DTX1: variants seen among roughly 807,000 people sequenced by gnomAD.
DTX1 encodes deltex E3 ubiquitin ligase 1.
DTX1 carries 26 observed loss-of-function variants against 57.8 expected under a neutral mutation model. That is an observed-to-expected ratio of 0.45 (90% CI 0.33 to 0.62). The LOEUF is 0.62. Ranked by LOEUF, DTX1 falls within the 20% of genes least tolerant of loss-of-function variation. The pLI, the probability that DTX1 is intolerant of heterozygous loss-of-function variation, is 0.02. For missense variants in DTX1, 704 were observed against 895.3 expected (o/e 0.79, Z 2.73); for synonymous variants, 398 against 394.1 (o/e 1.01, Z -0.12).
intron 2 of DTX1, among the ~76,000 whole-genome samples, chr12:113,074,178 G>A (rs942912618): frequency 6.6e-5 from 10 of 152,176 alleles, no homozygotes; most frequent in Admixed American, 1.3e-4. Flanking sequence ...GCAGTGAGCC[G>A]AGATCACGCC....
intron 3 of DTX1, among the ~76,000 whole-genome samples, chr12:113,079,443 G>C (rs2136060276): frequency 6.6e-6 from 1 of 151,574 alleles, no homozygotes; most frequent in South Asian, 2.1e-4. Context: ...CCCTGAACTA[G>C]GTGGCCCTAT....
rs1004921215 is a variant in DTX1 at position 113,097,893 on chromosome 12, A to G, written c.*954A>G. 2.0e-5 allele frequency: 3 copies of G among 152,818 alleles called. No homozygotes were observed. Among genetic ancestry groups the G allele is most frequent in the South Asian group, 2.1e-4 (1 of 4,832 alleles). 9.5% of individuals were successfully genotyped at this position (152,818 alleles called of 1,614,324 possible). On this transcript the variant is annotated 3_prime_UTR_variant, in exon 10 of 10. Transcript: ENST00000548759. ...CAACCAGGGGCCTGTTGCCCAGGCAACTCACCAGCTCCGCCTCTGCTGATT... is the reference window on the plus strand; with the variant it reads ...CAACCAGGGGCCTGTTGCCCAGGCAGCTCACCAGCTCCGCCTCTGCTGATT...
intron 2 of DTX1, among the ~76,000 whole-genome samples, chr12:113,076,456 T>C (rs1171634781): frequency 9.9e-6 from 1 of 100,698 alleles, no homozygotes; most frequent in Non-Finnish European, 1.9e-5. Flanking sequence ...ATACTCTGCC[T>C]GGAAAAAAAA....
At chr12:113,081,821 G>A (rs1474606502) in intron 3 of DTX1, among the ~76,000 whole-genome samples, 1 of 152,022 alleles carries the variant, frequency 6.6e-6, no homozygotes, top group Non-Finnish European at 1.5e-5. Context: ...GAATCCAGAA[G>A]GTTCTGGAGA....
chr12:113,074,996 C>T (rs1566016115), intron 2 of DTX1, among the ~76,000 whole-genome samples: 1 of 152,102 alleles, frequency 6.6e-6, no homozygotes, highest in East Asian at 1.9e-4. Flanking sequence ...TTAAACCTCT[C>T]CAGGGAAGGG....
chr12:113,079,728 G>A lies in DTX1; in HGVS notation c.941+1623G>A, dbSNP rs1291367820. Reference sequence around the variant, plus strand: ...TGTGTGTGTGTGTGTGTGTGTGTGTGTGTGTGTGTTAGTGGAGATGGGATT... The same window carrying A: ...TGTGTGTGTGTGTGTGTGTGTGTGTATGTGTGTGTTAGTGGAGATGGGATT... On this transcript the variant is annotated intron_variant, in intron 3 of 9. Coordinates refer to ENST00000548759, the MANE Select transcript of DTX1 (RefSeq NM_004416.3). Among the ~76,000 whole-genome samples, 3 of 150,714 alleles carry A rather than the reference G, an allele frequency of 2.0e-5. No homozygotes were observed. In the East Asian group the frequency reaches 5.9e-4, roughly 29 times the overall value.
chr12:113,079,814 C>T (rs1289779629), intron 3 of DTX1, among the ~76,000 whole-genome samples: 2 of 151,958 alleles, frequency 1.3e-5, no homozygotes, highest in Non-Finnish European at 2.9e-5. Context: ...CAGCCTTGGC[C>T]TCCCAAAGTG....
chr12:113,096,048 A>C (rs930060702), intron 9 of DTX1, among the ~76,000 whole-genome samples: 1 of 152,118 alleles, frequency 6.6e-6, no homozygotes, highest in Non-Finnish European at 1.5e-5. Flanking sequence ...TCTACTAAAA[A>C]TACAAAAATT....
intron 2 of DTX1, among the ~76,000 whole-genome samples, chr12:113,066,481 T>C (rs1344891861): frequency 6.6e-6 from 1 of 151,552 alleles, no homozygotes. Flanking sequence ...TGAGCTGAGA[T>C]TGAGCCATTG....
intron 3 of DTX1, among the ~76,000 whole-genome samples, chr12:113,083,052 C>T (rs73205291): frequency 0.16 from 24,611 of 152,192 alleles, 2,625 homozygotes; most frequent in Middle Eastern, 0.32. Flanking sequence ...GGCCTCTCTC[C>T]TGGGCTTGTA....
At chr12:113,076,865 T>G (rs2044775760) in intron 2 of DTX1, among the ~76,000 whole-genome samples, 2 of 152,178 alleles carry the variant, frequency 1.3e-5, no homozygotes, top group Admixed American at 6.5e-5. Context: ...GAGGACTGCA[T>G]GGGGCCTATG....
intron 2 of DTX1, among the ~76,000 whole-genome samples, chr12:113,068,276 C>G (rs1035055553): frequency 6.6e-6 from 1 of 152,314 alleles, no homozygotes; most frequent in African/African-American, 2.4e-5. Context: ...GACTGTAAAC[C>G]AGCCCAGCCT....
intron 2 of DTX1, among the ~76,000 whole-genome samples, chr12:113,060,334 C>A (rs1189926375): frequency 6.6e-6 from 1 of 152,132 alleles, no homozygotes; most frequent in Non-Finnish European, 1.5e-5. Flanking sequence ...CACTGAAGGT[C>A]CTGGTGTGGT....
chr12:113,086,261 GA>G (rs35457626), intron 3 of DTX1, among the ~76,000 whole-genome samples: 177 of 135,300 alleles, frequency 1.3e-3, no homozygotes, highest in African/African-American at 2.5e-3. Context: ...CCTGTATCAA[GA>G]AAAAAAAAAA....
chr12:113,062,910 C>A (rs1440983378), intron 2 of DTX1, among the ~76,000 whole-genome samples: 1 of 152,186 alleles, frequency 6.6e-6, no homozygotes, highest in African/African-American at 2.4e-5. Context: ...CCTCCAGGTC[C>A]AGAGCCCAGA....
At chr12:113,070,812 G>A (rs2044733409) in intron 2 of DTX1, among the ~76,000 whole-genome samples, 1 of 152,176 alleles carries the variant, frequency 6.6e-6, no homozygotes, top group Non-Finnish European at 1.5e-5. Flanking sequence ...CCACGAGTGT[G>A]GCATCATTCC....
chr12:113,074,369 A>C (rs2044756423), intron 2 of DTX1, among the ~76,000 whole-genome samples: 1 of 152,212 alleles, frequency 6.6e-6, no homozygotes, highest in African/African-American at 2.4e-5. Flanking sequence ...TGATGAGAAC[A>C]TCTGGGAATG....
At chr12:113,062,756 G>T (rs1592841324) in intron 2 of DTX1, among the ~76,000 whole-genome samples, 1 of 152,384 alleles carries the variant, frequency 6.6e-6, no homozygotes, top group African/African-American at 2.4e-5. Flanking sequence ...GCGGAAGAAA[G>T]CCCCGGTGTC....
At chr12:113,065,779 C>T (rs764253013) in intron 2 of DTX1, among the ~76,000 whole-genome samples, 5 of 149,182 alleles carry the variant, frequency 3.4e-5, no homozygotes, top group Non-Finnish European at 7.4e-5. Context: ...GAGAGGGTGA[C>T]GAGGAGGGGC....
Sources: allele counts gnomAD v4.1 joint callset (sites outside exome capture counted in the v4.1 genomes callset), GRCh38; gene constraint gnomAD v4.1.1; transcripts MANE v1.5; gene names NCBI Gene and HGNC (gene_info 2026-07-23, HGNC 2026-07-21).